NIPBL: variants seen among roughly 807,000 people sequenced by gnomAD.
The protein encoded by NIPBL is NIPBL cohesin loading factor.
NIPBL carries 19 observed loss-of-function variants against 321.8 expected under a neutral mutation model. That is an observed-to-expected ratio of 0.06 (90% CI 0.04 to 0.09). NIPBL has a LOEUF of 0.09. Ranked by LOEUF, NIPBL falls within the 10% of genes least tolerant of loss-of-function variation. The pLI, the probability that NIPBL is intolerant of heterozygous loss-of-function variation, is 1.00. For synonymous variants in NIPBL, 1,106 were observed against 1,114.1 expected (o/e 0.99, Z 0.14); for missense variants, 2,210 against 3,327.0 (o/e 0.66, Z 8.26).
chr5:36,920,141 G>C (rs1251316945), intron 1 of NIPBL, among the ~76,000 whole-genome samples: 1 of 151,778 alleles, frequency 6.6e-6, no homozygotes, highest in Non-Finnish European at 1.5e-5. Flanking sequence ...CTGATTTCAT[G>C]GGATTAAAAA....
intron 1 of NIPBL, among the ~76,000 whole-genome samples, chr5:36,933,250 C>T (rs182041670): frequency 9.1e-4 from 138 of 152,006 alleles, no homozygotes; most frequent in African/African-American, 3.1e-3. Context: ...AATTCTGTTA[C>T]GAGTTTCATG....
intron 6 of NIPBL, among the ~76,000 whole-genome samples, chr5:36,967,883 T>G (rs1045051120): frequency 1.3e-5 from 2 of 151,670 alleles, no homozygotes; most frequent in African/African-American, 4.8e-5. Flanking sequence ...GCAGATTGCT[T>G]GAAGCTTAGG....
intron 17 of NIPBL, 23 bp from the exon 18 acceptor site, chr5:37,007,300 A>G: frequency 1.2e-6 from 2 of 1,602,922 alleles, no homozygotes; most frequent in East Asian, 2.2e-5. Context: ...TGTTTTCCTT[A>G]TCTTGAATTT....
chr5:37,061,070 G>C (rs750954970), intron 45 of NIPBL, 52 bp downstream of exon 45: 2 of 1,376,428 alleles, frequency 1.5e-6, no homozygotes, highest in Non-Finnish European at 2.1e-6. Flanking sequence ...TTTTTGACAA[G>C]TAAATGTGGG....
intron 4 of NIPBL, among the ~76,000 whole-genome samples, chr5:36,959,739 G>C (rs750053709): frequency 3.3e-5 from 5 of 152,130 alleles, no homozygotes; most frequent in Non-Finnish European, 5.9e-5. Context: ...AAATCACTCT[G>C]ATAAAAACTT....
intron 8 of NIPBL, among the ~76,000 whole-genome samples, chr5:36,973,289 G>A (rs907349467): frequency 1.3e-5 from 2 of 148,956 alleles, no homozygotes; most frequent in African/African-American, 4.9e-5. Context: ...TTTTTTCACT[G>A]ATTGTGTTCG....
chr5:37,050,066 T>G (rs1353748774), intron 40 of NIPBL, among the ~76,000 whole-genome samples: 7 of 152,314 alleles, frequency 4.6e-5, no homozygotes, highest in African/African-American at 1.7e-4. Context: ...AATCATACAT[T>G]ATAATGAAAC....
At chr5:36,960,451 G>GT (rs1177307348) in intron 4 of NIPBL, among the ~76,000 whole-genome samples, 1 of 151,850 alleles carries the variant, frequency 6.6e-6, no homozygotes. Context: ...TCTGTGCTGA[G>GT]TTTGAGTTGG....
chr5:37,024,842 A>T, intron 30 of NIPBL, 123 bp downstream of exon 30: 1 of 744,254 alleles, frequency 1.3e-6, no homozygotes. Flanking sequence ...TATAGTTTAT[A>T]AACTTAAGAA....
intron 10 of NIPBL, among the ~76,000 whole-genome samples, chr5:36,994,597 T>TAC (rs1419219719): frequency 6.6e-6 from 1 of 152,148 alleles, no homozygotes; most frequent in East Asian, 1.9e-4. Flanking sequence ...ACAAAGGTAC[T>TAC]CTTTGCTTCC....
At chr5:37,045,149 C>G (rs371508181) in intron 36 of NIPBL, among the ~76,000 whole-genome samples, 23 of 152,084 alleles carry the variant, frequency 1.5e-4, no homozygotes, top group African/African-American at 5.5e-4. Flanking sequence ...GTCGGGAGTT[C>G]GAGATCAGCC....
intron 29 of NIPBL, 152 bp downstream of exon 29, chr5:37,022,542 A>T: frequency 1.4e-6 from 1 of 694,966 alleles, no homozygotes; most frequent in Non-Finnish European, 2.3e-6. Context: ...CTAAACAAGT[A>T]CATATTTTCA....
At chr5:37,029,888 C>T (rs1750758689) in intron 32 of NIPBL, among the ~76,000 whole-genome samples, 1 of 152,140 alleles carries the variant, frequency 6.6e-6, no homozygotes, top group Non-Finnish European at 1.5e-5. Flanking sequence ...TATTTGGCAT[C>T]ATTTCTTTCC....
At chr5:36,931,082 T>G (rs1260928390) in intron 1 of NIPBL, among the ~76,000 whole-genome samples, 1 of 152,158 alleles carries the variant, frequency 6.6e-6, no homozygotes, top group Non-Finnish European at 1.5e-5. Context: ...TATAAAAGTT[T>G]GCTATTCTTT....
At chr5:36,936,366 T>C (rs1738431500) in intron 1 of NIPBL, among the ~76,000 whole-genome samples, 1 of 152,128 alleles carries the variant, frequency 6.6e-6, no homozygotes, top group Admixed American at 6.6e-5. Flanking sequence ...CTTTTCTATG[T>C]TTAGATACAC....
In NIPBL at chr5:37,066,372, A is replaced by G. The variant is rs1037310940; in HGVS notation, c.*1480A>G. 6.6e-6 allele frequency: 1 copy of G among 152,224 alleles called. No homozygotes were observed. Among genetic ancestry groups the G allele is most frequent in the Non-Finnish European group, 1.5e-5 (1 of 68,028 alleles). The allele number at this position is 152,224 out of a possible 1,614,324, so 9.4% of individuals were successfully genotyped here. On this transcript the variant is annotated 3_prime_UTR_variant, in exon 47 of 47. Transcript: ENST00000282516. ...TTTGAGGAAGAATGACATTGCCACA[A>G]AATACCTTTTTGTGACACCTATTAA...
intron 1 of NIPBL, among the ~76,000 whole-genome samples, chr5:36,953,089 A>G (rs1740582216): frequency 6.6e-6 from 1 of 152,202 alleles, no homozygotes; most frequent in Non-Finnish European, 1.5e-5. Flanking sequence ...AGATGGGAAT[A>G]CACAAGGGAG....
At chr5:37,017,918 T>C (rs1580486095) in intron 24 of NIPBL, among the ~76,000 whole-genome samples, 1 of 152,280 alleles carries the variant, frequency 6.6e-6, no homozygotes, top group Middle Eastern at 3.4e-3. Flanking sequence ...TTTCAAAATA[T>C]AGATGTATGT....
At chr5:36,920,178 A>G (rs186905793) in intron 1 of NIPBL, among the ~76,000 whole-genome samples, 1 of 152,308 alleles carries the variant, frequency 6.6e-6, no homozygotes, top group East Asian at 1.9e-4. Context: ...AGTGACACAA[A>G]TGCATATGTT....
Sources: gnomAD v4.1 joint callset for allele counts (sites outside exome capture counted in the v4.1 genomes callset) on GRCh38, gnomAD v4.1.1 for gene constraint, MANE v1.5 for transcripts, NCBI Gene and HGNC (gene_info 2026-07-23, HGNC 2026-07-21) for gene names.